SLC25A13: variants seen among roughly 807,000 people sequenced by gnomAD.
SLC25A13 encodes solute carrier family 25 member 13, also known as electrogenic aspartate/glutamate antiporter SLC25A13, mitochondrial.
A neutral mutation model predicts 85.5 loss-of-function variants in SLC25A13; 70 were observed. That is an observed-to-expected ratio of 0.82 (90% CI 0.68 to 1.00). The LOEUF (loss-of-function observed/expected upper bound fraction) is 1.00, where lower values mean the gene tolerates loss of function less well. Ranked by LOEUF, SLC25A13 falls within the 50% of genes least tolerant of loss-of-function variation. SLC25A13 has a pLI of 0.00. For synonymous variants in SLC25A13, 259 were observed against 288.7 expected (o/e 0.90, Z 1.04); for missense variants, 765 against 819.8 (o/e 0.93, Z 0.82).
chr7:96,210,128 G>C (rs530201099), intron 4 of SLC25A13, among the ~76,000 whole-genome samples: 2 of 151,992 alleles, frequency 1.3e-5, no homozygotes, highest in African/African-American at 4.8e-5. Context: ...TTAAAGCCTT[G>C]TCATGAAGAA....
intron 5 of SLC25A13, among the ~76,000 whole-genome samples, chr7:96,196,569 C>T (rs1270292069): frequency 1.3e-5 from 2 of 152,168 alleles, no homozygotes; most frequent in Non-Finnish European, 2.9e-5. Context: ...CCTGTGCCCA[C>T]GCTTCCATGA....
chr7:96,204,485 A>T (rs1047792997), intron 5 of SLC25A13, among the ~76,000 whole-genome samples: 4 of 152,072 alleles, frequency 2.6e-5, no homozygotes, highest in African/African-American at 4.8e-5. Flanking sequence ...AGTTGTAGCG[A>T]GCGCTAATGC....
At chr7:96,250,005 G>A (rs112699209) in intron 3 of SLC25A13, among the ~76,000 whole-genome samples, 3,179 of 151,926 alleles carry the variant, frequency 0.021, 75 homozygotes, top group African/African-American at 0.056. Flanking sequence ...CCAACATGGT[G>A]AACCCCATCT....
At chr7:96,227,894 C>T (rs755802490) in intron 4 of SLC25A13, among the ~76,000 whole-genome samples, 2 of 152,076 alleles carry the variant, frequency 1.3e-5, no homozygotes, top group African/African-American at 2.4e-5. Flanking sequence ...GCCAGAGTTT[C>T]GCTCTTGTCA....
At position 96,161,105 on chromosome 7, in the gene SLC25A13, G is replaced by A. The variant is rs935111052; in HGVS notation, c.1311+8940C>T. ...AAAGTCTTTTCTACTTAAAATACAAGCCATAATAAATAAGCTATACCAAAT... is the reference window on the plus strand; with the variant it reads ...AAAGTCTTTTCTACTTAAAATACAAACCATAATAAATAAGCTATACCAAAT... On this transcript the variant is annotated intron_variant, in intron 13 of 17. Transcript: ENST00000265631. Among the ~76,000 whole-genome samples the A allele has an allele frequency of 2.0e-5, 3 of 151,278 alleles. No individual in the cohort carries two copies. The South Asian group carries it at 6.3e-4, about 32-fold the overall frequency.
rs781689843 is a variant in SLC25A13 at position 96,216,137 on chromosome 7, CAGAG to C, written c.329-7164_329-7161del. On this transcript the variant is annotated intron_variant, in intron 4 of 17. Transcript: ENST00000265631. ...TGCCATTCCATTCCAGCCTGGGCGA[CAGAG>C]AGAGACTGTCTCAAAAGAAAAAAAA... Among the ~76,000 whole-genome samples the C allele has an allele frequency of 3.4e-4, 50 of 147,816 alleles. 1 individual carries two copies. Among genetic ancestry groups the C allele is most frequent in the Non-Finnish European group, 6.4e-4 (43 of 67,268 alleles).
At chr7:96,139,193 AT>A (rs1792419204) in intron 14 of SLC25A13, among the ~76,000 whole-genome samples, 1 of 152,178 alleles carries the variant, frequency 6.6e-6, no homozygotes, top group African/African-American at 2.4e-5. Context: ...ACACGAGTCA[AT>A]GATTCATCTG....
rs146158317 is a variant in SLC25A13 at position 96,261,573 on chromosome 7, T to G, written c.212+15623A>C. Among the ~76,000 whole-genome samples the G allele has an allele frequency of 1.8e-3, 273 of 152,310 alleles. 1 individual carries two copies. The highest frequency in any genetic ancestry group is 6.0e-3 in the African/African-American group (250 of 41,566). ...TTTACATCAGATTGCAAGAGAAGTC[T>G]TACTTTACTCTCAAAAACCTTCATT... On this transcript the variant is annotated intron_variant, in intron 3 of 17. Coordinates refer to ENST00000265631, the MANE Select transcript of SLC25A13 (RefSeq NM_014251.3).
At position 96,121,965 on chromosome 7, in the gene SLC25A13, C is replaced by T; in HGVS notation, c.1624G>A (p.Asp542Asn). 2 of 1,614,166 alleles carry T rather than the reference C, an allele frequency of 1.2e-6. No individual in the cohort carries two copies. The highest frequency in any genetic ancestry group is 1.7e-6 in the Non-Finnish European group (2 of 1,180,034). The change falls in exon 16 of 18, where the codon GAT becomes AAT. Residue 542 changes from aspartate to asparagine, a missense_variant. Asp to Asn is a conservative substitution (Grantham distance 23, BLOSUM62 1). Coordinates refer to ENST00000265631, the MANE Select transcript of SLC25A13 (RefSeq NM_014251.3). Reference protein sequence around the residue: ...MPAASLVTPADVIKTRLQVAA... With the variant: ...MPAASLVTPANVIKTRLQVAA... ...ACCTGTAATCTCGTCTTGATAACAT[C>T]AGCAGGGGTCACTAAAGATGCTGCA... is the stretch of plus-strand genomic sequence containing the variant.
intron 11 of SLC25A13, among the ~76,000 whole-genome samples, chr7:96,180,859 T>C (rs1306187080): frequency 6.6e-6 from 1 of 152,250 alleles, no homozygotes; most frequent in East Asian, 1.9e-4. Context: ...CTGATTCATT[T>C]GGTTATGCCA....
chr7:96,129,681 T>G (rs1410364678), intron 15 of SLC25A13, among the ~76,000 whole-genome samples: 1 of 152,252 alleles, frequency 6.6e-6, no homozygotes, highest in Non-Finnish European at 1.5e-5. Context: ...TCTTTTCATC[T>G]ATTAATTCAC....
At chr7:96,132,371 C>T (rs540653837) in intron 14 of SLC25A13, among the ~76,000 whole-genome samples, 1 of 152,272 alleles carries the variant, frequency 6.6e-6, no homozygotes, top group Non-Finnish European at 1.5e-5. Context: ...ATTACACATA[C>T]ATAAAAAATT....
intron 1 of SLC25A13, among the ~76,000 whole-genome samples, chr7:96,302,127 C>T (rs33989587): frequency 0.16 from 23,611 of 152,052 alleles, 2,176 homozygotes; most frequent in East Asian, 0.23. Flanking sequence ...TTGTGTAAGT[C>T]ATCAATAGCG....
chr7:96,122,811 G>C (rs1309892783), intron 15 of SLC25A13, among the ~76,000 whole-genome samples: 1 of 152,144 alleles, frequency 6.6e-6, no homozygotes, highest in Non-Finnish European at 1.5e-5. Flanking sequence ...TGCATGTTTA[G>C]ATTTTTTAAA....
intron 3 of SLC25A13, among the ~76,000 whole-genome samples, chr7:96,276,063 C>G (rs905819409): frequency 2.6e-5 from 4 of 152,160 alleles, no homozygotes; most frequent in Non-Finnish European, 5.9e-5. Context: ...GAGAACTCCA[C>G]CTCAGAGTGA....
At position 96,183,878 on chromosome 7, in the gene SLC25A13, G is replaced by A. The variant is rs562118733; in HGVS notation, c.1177+399C>T. On this transcript the variant is annotated intron_variant, in intron 11 of 17. Coordinates refer to ENST00000265631, the MANE Select transcript of SLC25A13 (RefSeq NM_014251.3). The stretch of plus-strand genomic sequence containing the variant: ...AAAAGAGAGCTCTACTGAACCCTTC[G>A]TTATCTTTTTTGTGGTGTATTCCAG... 3.9e-5 allele frequency among the ~76,000 whole-genome samples: 6 copies of A among 152,216 alleles called. No homozygotes were observed. In the South Asian group the frequency reaches 6.2e-4, roughly 16 times the overall value.
At chr7:96,225,466 G>A (rs1175971609) in intron 4 of SLC25A13, among the ~76,000 whole-genome samples, 2 of 151,604 alleles carry the variant, frequency 1.3e-5, no homozygotes, top group East Asian at 3.9e-4. Context: ...GATCACTTGA[G>A]TCAGGCATGT....
At chr7:96,277,868 C>T (rs1215370058) in intron 2 of SLC25A13, among the ~76,000 whole-genome samples, 1 of 151,032 alleles carries the variant, frequency 6.6e-6, no homozygotes, top group East Asian at 1.9e-4. Context: ...CCCATTCCTG[C>T]TTTAAGAGCA....
chr7:96,124,324 T>A (rs1791636805), intron 15 of SLC25A13, among the ~76,000 whole-genome samples: 1 of 152,180 alleles, frequency 6.6e-6, no homozygotes, highest in Non-Finnish European at 1.5e-5. Flanking sequence ...GTTTTCCAAA[T>A]CCCCTTTGCA....
Sources: gnomAD v4.1 joint callset for allele counts (sites outside exome capture counted in the v4.1 genomes callset) on GRCh38, gnomAD v4.1.1 for gene constraint, MANE v1.5 for transcripts, NCBI Gene and HGNC (gene_info 2026-07-23, HGNC 2026-07-21) for gene names.